Variants in KAZN observed in about 807,000 individuals in gnomAD.
KAZN encodes the protein kazrin, periplakin interacting protein, also known as kazrin.
A neutral mutation model predicts 87.4 loss-of-function variants in KAZN; 40 were observed. The ratio of observed to expected loss-of-function variants is 0.46; its 90% CI spans 0.36 to 0.60. The LOEUF is 0.60. KAZN is among the 20% of genes least tolerant of loss of function. The probability of loss-of-function intolerance (pLI) is 0.00; values close to 1 mark genes in which losing one functional copy is unlikely to be tolerated. For synonymous variants in KAZN, 466 were observed against 458.3 expected (o/e 1.02, Z -0.22); for missense variants, 898 against 1,073.9 (o/e 0.84, Z 2.29).
At chr1:15,087,872 A>G (rs1322211859) in intron 8 of KAZN, among the ~76,000 whole-genome samples, 1 of 152,224 alleles carries the variant, frequency 6.6e-6, no homozygotes, top group Non-Finnish European at 1.5e-5. Context: ...CTTTGCACAC[A>G]TCATTTCATT....
chr1:14,733,387 G>A (rs1428736870), intron 1 of KAZN, among the ~76,000 whole-genome samples: 2 of 152,194 alleles, frequency 1.3e-5, no homozygotes, highest in Admixed American at 6.5e-5. Flanking sequence ...GTTCTTTCCC[G>A]TTGCCCCACC....
chr1:14,970,579 C>T (rs1167469131), intron 2 of KAZN, among the ~76,000 whole-genome samples: 1 of 152,194 alleles, frequency 6.6e-6, no homozygotes, highest in African/African-American at 2.4e-5. Flanking sequence ...GAGTCCTTGA[C>T]CCTCTGTGAG....
intron 1 of KAZN, among the ~76,000 whole-genome samples, chr1:14,164,534 CTTTTTTTTTTTT>C (rs1168650321): frequency 4.3e-5 from 4 of 93,782 alleles, no homozygotes; most frequent in Middle Eastern, 6.5e-3. Flanking sequence ...TGAGTTTCCT[CTTTTTTTTTTTT>C]TTTTTTTTTT....
At chr1:14,441,280 TA>T (rs1269835051) in intron 2 of KAZN, among the ~76,000 whole-genome samples, 12 of 152,162 alleles carry the variant, frequency 7.9e-5, no homozygotes, top group Non-Finnish European at 1.2e-4. Flanking sequence ...TATATATATA[TA>T]TTTTAAACCC....
At chr1:14,900,194 C>T (rs1557601758) in intron 1 of KAZN, among the ~76,000 whole-genome samples, 1 of 152,162 alleles carries the variant, frequency 6.6e-6, no homozygotes, top group Non-Finnish European at 1.5e-5. Flanking sequence ...CTCAAAGACC[C>T]CAGGGCCAAT....
At chr1:14,225,402 C>A (rs1205613372) in intron 2 of KAZN, among the ~76,000 whole-genome samples, 1 of 152,098 alleles carries the variant, frequency 6.6e-6, no homozygotes, top group Non-Finnish European at 1.5e-5. Flanking sequence ...AATGGAAAAA[C>A]ATTCCATGGT....
chr1:14,069,749 A>T (rs1007455899), intron 1 of KAZN, among the ~76,000 whole-genome samples: 3 of 152,188 alleles, frequency 2.0e-5, no homozygotes, highest in Non-Finnish European at 4.4e-5. Flanking sequence ...AAGGGAGGGA[A>T]ACCCTTTCAG....
At chr1:14,077,422 A>T (rs754684417) in intron 1 of KAZN, among the ~76,000 whole-genome samples, 2 of 152,150 alleles carry the variant, frequency 1.3e-5, no homozygotes, top group African/African-American at 2.4e-5. Context: ...GCTGCAAAAG[A>T]CTTACATGTT....
At chr1:14,289,820 A>C (rs1653541052) in intron 2 of KAZN, among the ~76,000 whole-genome samples, 1 of 152,140 alleles carries the variant, frequency 6.6e-6, no homozygotes, top group East Asian at 1.9e-4. Context: ...GGCTGGTACC[A>C]GTTGTTCCTT....
chr1:14,432,471 T>C (rs752107352), intron 2 of KAZN, among the ~76,000 whole-genome samples: 24 of 152,230 alleles, frequency 1.6e-4, no homozygotes, highest in Admixed American at 1.3e-4. Flanking sequence ...CAGACAGATA[T>C]ATGGGGTTCC....
intron 2 of KAZN, among the ~76,000 whole-genome samples, chr1:14,344,305 C>G (rs1657955824): frequency 6.6e-6 from 1 of 150,806 alleles, no homozygotes; most frequent in East Asian, 1.9e-4. Context: ...TTATAAAATA[C>G]ACATCTGATT....
chr1:14,656,813 C>T (rs1473742478), intron 1 of KAZN, among the ~76,000 whole-genome samples: 1 of 152,220 alleles, frequency 6.6e-6, no homozygotes, highest in African/African-American at 2.4e-5. Context: ...CCCACCAGGC[C>T]TGTCTTCCAA....
In KAZN at chr1:14,436,733, A is replaced by AC. The variant is rs1666414874; in HGVS notation, c.250-162250_250-162249insC. On this transcript the variant is annotated intron_variant, in intron 2 of 16. Transcript: ENST00000636203. ...ACTCTGTCTCAAAAAAAAAAAAAAA[A>AC]AAAAACCTTAAAACAATCCTGAGAG... 3.6e-4 allele frequency among the ~76,000 whole-genome samples: 53 copies of AC among 145,728 alleles called. 2 individuals carry two copies. Among genetic ancestry groups the AC allele is most frequent in the Admixed American group, 1.8e-3 (26 of 14,776 alleles).
chr1:14,368,898 T>A (rs1001617904), intron 2 of KAZN, among the ~76,000 whole-genome samples: 1 of 152,180 alleles, frequency 6.6e-6, no homozygotes, highest in African/African-American at 2.4e-5. Context: ...GTGCCCGTGT[T>A]AGGTAGTTCT....
chr1:14,191,523 A>G (rs1646419271), intron 2 of KAZN, among the ~76,000 whole-genome samples: 2 of 152,096 alleles, frequency 1.3e-5, no homozygotes, highest in African/African-American at 2.4e-5. Flanking sequence ...GTTGTCTAAG[A>G]GACAGTCTTT....
chr1:14,254,975 G>A (rs1408741221), intron 2 of KAZN, among the ~76,000 whole-genome samples: 1 of 151,948 alleles, frequency 6.6e-6, no homozygotes, highest in African/African-American at 2.4e-5. Flanking sequence ...ACAAAAATTA[G>A]CCAGGTGTGG....
At chr1:14,824,923 GGA>G (rs1646840789) in intron 1 of KAZN, among the ~76,000 whole-genome samples, 1 of 152,248 alleles carries the variant, frequency 6.6e-6, no homozygotes, top group African/African-American at 2.4e-5. Flanking sequence ...GCCTCTTGGG[GGA>G]AGACTCTTCT....
Position 15,099,169 on chromosome 1 carries a change from T to C in KAZN, c.1548-2374T>C, listed in dbSNP as rs1457893567. On this transcript the variant is annotated intron_variant, in intron 10 of 14. Transcript: ENST00000376030. The surrounding 1 kb of genome is among the most constrained non-coding windows in gnomAD (Gnocchi z 5.4). Reference sequence around the variant, plus strand: ...AGGGGGTCCCAGTGGACCCAAGTGGTTCTGGGAGGCTGATGGGCAGAGGGA... The same window carrying C: ...AGGGGGTCCCAGTGGACCCAAGTGGCTCTGGGAGGCTGATGGGCAGAGGGA... Among the ~76,000 whole-genome samples the C allele has an allele frequency of 1.3e-5, 2 of 152,000 alleles. No individual in the cohort carries two copies. Among genetic ancestry groups the C allele is most frequent in the Admixed American group, 1.3e-4 (2 of 15,258 alleles).
At chr1:13,914,506 G>A (rs1464294457) in intron 1 of KAZN, among the ~76,000 whole-genome samples, 1 of 152,208 alleles carries the variant, frequency 6.6e-6, no homozygotes, top group African/African-American at 2.4e-5. Context: ...GGATGTCACC[G>A]CCTCGATTAG....
Sources: allele counts gnomAD v4.1 joint callset (sites outside exome capture counted in the v4.1 genomes callset), GRCh38; gene constraint gnomAD v4.1.1; non-coding constraint Gnocchi (gnomAD v3.1); transcripts MANE v1.5; gene names NCBI Gene and HGNC (gene_info 2026-07-23, HGNC 2026-07-21).